ITPR2: variants seen among roughly 807,000 people sequenced by gnomAD.
ITPR2 encodes inositol 1,4,5-trisphosphate receptor type 2, also known as inositol 1,4,5-trisphosphate-gated calcium channel ITPR2.
In ITPR2, 207 loss-of-function variants were observed where a neutral mutation model predicts 317.1. The observed-to-expected ratio is 0.65, with a 90% CI of 0.58 to 0.73. The LOEUF (loss-of-function observed/expected upper bound fraction) is 0.73. ITPR2 is among the 30% of genes least tolerant of loss of function. The pLI is 0.00. For missense variants in ITPR2, 2,613 were observed against 3,284.0 expected (o/e 0.80, Z 4.99); for synonymous variants, 1,156 against 1,149.1 (o/e 1.01, Z -0.12).
At chr12:26,716,101 T>G (rs778698518) in intron 6 of ITPR2, 43 bp downstream of exon 6, 2 of 1,277,182 alleles carry the variant, frequency 1.6e-6, no homozygotes, top group Non-Finnish European at 2.3e-6. Flanking sequence ...CTCTGTCTCA[T>G]GAGAAAAATG....
chr12:26,428,524 T>G (rs1272477056), intron 48 of ITPR2, among the ~76,000 whole-genome samples: 2 of 152,134 alleles, frequency 1.3e-5, no homozygotes, highest in African/African-American at 4.8e-5. Context: ...ATAGTCTAGA[T>G]TCCTCTGAAG....
rs758140897 is a variant in ITPR2 at position 26,483,826 on chromosome 12, T to C, written c.5884A>G (p.Ile1962Val). The C allele has an allele frequency of 2.0e-5, 33 of 1,614,082 alleles. No individual in the cohort carries two copies. In the African/African-American group the frequency reaches 2.1e-4, roughly 10 times the overall value. Residue 1962 changes from isoleucine to valine, a missense_variant, in exon 42 of 57, where the codon ATT becomes GTT. By Grantham distance (29) the Ile-to-Val change is conservative. Coordinates refer to ENST00000381340, the MANE Select transcript of ITPR2 (RefSeq NM_002223.4). Reference protein sequence around the residue: ...VCETLQFLDCICGSTTGGLGL... With the variant: ...VCETLQFLDCVCGSTTGGLGL... The stretch of plus-strand genomic sequence containing the variant: ...AGGCCACCGGTTGTACTTCCACAAA[T>C]GCAGTCCAGAAACTGAAGGGTCTCA...
At chr12:26,699,643 T>C (rs1286832123) in intron 9 of ITPR2, among the ~76,000 whole-genome samples, 1 of 151,714 alleles carries the variant, frequency 6.6e-6, no homozygotes, top group African/African-American at 2.4e-5. Flanking sequence ...ATAATAACAA[T>C]AATGATGTGG....
At chr12:26,535,803 T>G (rs1470846009) in intron 37 of ITPR2, among the ~76,000 whole-genome samples, 2 of 152,346 alleles carry the variant, frequency 1.3e-5, no homozygotes, top group South Asian at 4.1e-4. Flanking sequence ...CTTTTTTTGT[T>G]GTACTGTGGC....
In ITPR2 at chr12:26,621,156, T is replaced by G. The variant is rs2230373; in HGVS notation, c.3429A>C (p.Glu1143Asp). The G allele has an allele frequency of 7.0e-3, 11,216 of 1,613,624 alleles. 679 individuals carry two copies. In the African/African-American group the frequency reaches 0.13, roughly 19 times the overall value. The part of the protein sequence containing the change: ...SSNYENGEIG[E>D]SQVKGGEEPI... ...GCTCTTCACCACCTTTCACTTGACT[T>G]TCCCCTATTTCTCCATTCTCATAGT... Residue 1143 changes from glutamate to aspartate, a missense_variant, in exon 26 of 57, where the codon GAA (glutamate) becomes GAC (aspartate). This residue lies in a region of ITPR2 where 817 missense variants were observed against 897.6 expected (regional missense o/e 0.91). Coordinates refer to ENST00000381340, the MANE Select transcript of ITPR2 (RefSeq NM_002223.4).
intron 47 of ITPR2, among the ~76,000 whole-genome samples, chr12:26,438,792 G>A (rs1941419690): frequency 6.6e-6 from 1 of 152,172 alleles, no homozygotes; most frequent in South Asian, 2.1e-4. Context: ...TTCACTGATA[G>A]GCCAGTCAGG....
rs529728063 is a variant in ITPR2 at position 26,452,616 on chromosome 12, A to G, written c.6343-8966T>C. On this transcript the variant is annotated intron_variant, in intron 45 of 56. Transcript: ENST00000381340. ...TTAAGAGGGATTAATGCTGCTCCTG[A>G]GGGGACTGGGTTAATTTTCAGAGGA... 3.3e-5 allele frequency among the ~76,000 whole-genome samples: 5 copies of G among 152,268 alleles called. No homozygotes were observed. The South Asian group carries it at 6.2e-4, about 19-fold the overall frequency.
chr12:26,688,049 T>G (rs1183690251), intron 10 of ITPR2, among the ~76,000 whole-genome samples: 1 of 152,212 alleles, frequency 6.6e-6, no homozygotes, highest in East Asian at 1.9e-4. Flanking sequence ...CTGAATTTTT[T>G]TTTTAAGACA....
intron 48 of ITPR2, among the ~76,000 whole-genome samples, chr12:26,431,277 C>T (rs1344437346): frequency 6.6e-6 from 1 of 152,142 alleles, no homozygotes; most frequent in African/African-American, 2.4e-5. Flanking sequence ...AAGACATTCT[C>T]ATGGCATCAA....
intron 1 of ITPR2, among the ~76,000 whole-genome samples, chr12:26,801,572 T>C (rs1256476128): frequency 2.6e-5 from 4 of 152,226 alleles, no homozygotes; most frequent in African/African-American, 9.6e-5. Flanking sequence ...TCTACTCAAA[T>C]GAAGAAGAAT....
At chr12:26,619,169 T>C (rs1238763981) in intron 26 of ITPR2, among the ~76,000 whole-genome samples, 1 of 152,224 alleles carries the variant, frequency 6.6e-6, no homozygotes, top group Non-Finnish European at 1.5e-5. Context: ...AGAGAACACA[T>C]ATATCACATA....
chr12:26,602,866 C>A (rs1946033371), intron 26 of ITPR2, among the ~76,000 whole-genome samples, 160 bp from the exon 27 acceptor site: 1 of 151,960 alleles, frequency 6.6e-6, no homozygotes, highest in Non-Finnish European at 1.5e-5. Flanking sequence ...ATAAAAAGTT[C>A]CTTGGCTTGA....
At chr12:26,382,839 T>C (rs1939549940) in intron 55 of ITPR2, among the ~76,000 whole-genome samples, 1 of 152,238 alleles carries the variant, frequency 6.6e-6, no homozygotes, top group Non-Finnish European at 1.5e-5. Context: ...ATGTTTGATA[T>C]AGTATGGATA....
chr12:26,715,618 C>G, intron 7 of ITPR2, 134 bp downstream of exon 7: 1 of 771,036 alleles, frequency 1.3e-6, no homozygotes, highest in Middle Eastern at 2.4e-4. Flanking sequence ...CAGTAAAACA[C>G]TTAGAGTAAG....
At chr12:26,746,270 A>G (rs981481321) in intron 2 of ITPR2, among the ~76,000 whole-genome samples, 15 of 152,032 alleles carry the variant, frequency 9.9e-5, no homozygotes, top group African/African-American at 3.6e-4. Context: ...TTAGACGAAG[A>G]CCTAATAAAA....
intron 2 of ITPR2, among the ~76,000 whole-genome samples, chr12:26,782,012 ATATATATATATATATATATATG>A (rs1366730031): frequency 2.1e-3 from 66 of 30,732 alleles, no homozygotes; most frequent in South Asian, 6.9e-3. Context: ...ATATATATAT[ATATATATATATATATATATATG>A]TATAGAGAGA....
intron 37 of ITPR2, among the ~76,000 whole-genome samples, chr12:26,502,158 T>C (rs995244883): frequency 2.0e-5 from 3 of 152,314 alleles, no homozygotes; most frequent in Non-Finnish European, 4.4e-5. Flanking sequence ...AGTATTTGAA[T>C]TCCAGGAAGC....
In ITPR2 at chr12:26,459,555, T is replaced by C. The variant is rs1941964749; in HGVS notation, c.6342+15741A>G. 2.0e-5 allele frequency among the ~76,000 whole-genome samples: 3 copies of C among 152,348 alleles called. No individual in the cohort carries two copies. In the South Asian group the frequency reaches 6.2e-4, roughly 32 times the overall value. Reference sequence around the variant, plus strand: ...GTCTGGTTTACAGCTGCACCTCGTTTATTGAGTTCTTGAGGGCCTTTGGCC... The same window carrying C: ...GTCTGGTTTACAGCTGCACCTCGTTCATTGAGTTCTTGAGGGCCTTTGGCC... On this transcript the variant is annotated intron_variant, in intron 45 of 56. Coordinates refer to ENST00000381340, the MANE Select transcript of ITPR2 (RefSeq NM_002223.4).
At chr12:26,637,773 AG>A (rs1224831436) in intron 21 of ITPR2, among the ~76,000 whole-genome samples, 2 of 152,216 alleles carry the variant, frequency 1.3e-5, no homozygotes, top group African/African-American at 2.4e-5. Context: ...ATATAATTAT[AG>A]TTCATAATGT....
Sources: gnomAD v4.1 joint callset for allele counts (sites outside exome capture counted in the v4.1 genomes callset) on GRCh38, gnomAD v4.1.1 for gene constraint, gnomAD v4.1.1 regional missense constraint, MANE v1.5 for transcripts, NCBI Gene and HGNC (gene_info 2026-07-23, HGNC 2026-07-21) for gene names.